MAPK9: variants seen among roughly 807,000 people sequenced by gnomAD.
MAPK9 encodes the protein Jun kinase.
A neutral mutation model predicts 57.1 loss-of-function variants in MAPK9; 30 were observed. That is an observed-to-expected ratio of 0.53 (90% CI 0.39 to 0.71). The LOEUF (loss-of-function observed/expected upper bound fraction) is 0.71. Ranked by LOEUF, MAPK9 falls within the 30% of genes least tolerant of loss-of-function variation. The pLI is 0.00. For synonymous variants in MAPK9, 155 were observed against 177.0 expected (o/e 0.88, Z 0.99); for missense variants, 362 against 521.0 (o/e 0.69, Z 2.97).
Position 180,261,784 on chromosome 5 carries a change from T to C in MAPK9, c.350A>G (p.Gln117Arg). The C allele has an allele frequency of 6.2e-7, 1 of 1,613,012 alleles. No individual in the cohort carries two copies. The highest frequency in any genetic ancestry group is 1.3e-5 in the African/African-American group (1 of 75,042). ...ATGATCCAGCTCCATGTGAATAACC[T>C]GACATAAGTTAGCATCCATTAATTC... ...VMELMDANLC[Q>R]VIHMELDHER... Residue 117 changes from glutamine to arginine, a missense_variant, in exon 5 of 12, where the codon CAG becomes CGG. Physicochemically the swap from Gln to Arg is conservative, Grantham distance 43 (BLOSUM62 1). Around this residue, in one of 3 missense-constraint regions of MAPK9, gnomAD observed 127 missense variants for 231.7 expected, o/e 0.55. Transcript: ENST00000452135.
intron 1 of MAPK9, among the ~76,000 whole-genome samples, chr5:180,291,024 G>A (rs983942770): frequency 2.6e-5 from 4 of 152,292 alleles, no homozygotes; most frequent in African/African-American, 7.2e-5. Flanking sequence ...GAGGGTGGTC[G>A]AGGAGGGCCT....
chr5:180,235,355 G>A lies in MAPK9; in HGVS notation c.*1029C>T, dbSNP rs770158961. On this transcript the variant is annotated 3_prime_UTR_variant, in exon 12 of 12. Coordinates refer to ENST00000452135, the MANE Select transcript of MAPK9 (RefSeq NM_002752.5). Reference sequence around the variant, plus strand: ...AAAGAAAATCAAGAACGTGGTATTGGCCGAGGGAAAGTGAATGAGGGAAGG... The same window carrying A: ...AAAGAAAATCAAGAACGTGGTATTGACCGAGGGAAAGTGAATGAGGGAAGG... The A allele has an allele frequency of 2.0e-5, 3 of 152,182 alleles. No homozygotes were observed. Among genetic ancestry groups the A allele is most frequent in the Non-Finnish European group, 4.4e-5 (3 of 68,048 alleles). 9.4% of individuals were successfully genotyped at this position (152,182 alleles called of 1,614,324 possible). A position where few individuals can be genotyped will look rare whatever the true frequency, so the allele number is the denominator to read the frequency against.
At chr5:180,266,776 A>G (rs998619797) in intron 3 of MAPK9, among the ~76,000 whole-genome samples, 18 of 152,100 alleles carry the variant, frequency 1.2e-4, no homozygotes, top group Non-Finnish European at 2.9e-5. Flanking sequence ...GAAAATATCA[A>G]ACTAATAGTC....
At chr5:180,238,605 CTTCTTTT>C (rs1757388928) in intron 10 of MAPK9, among the ~76,000 whole-genome samples, 1 of 129,624 alleles carries the variant, frequency 7.7e-6, no homozygotes, top group Non-Finnish European at 1.6e-5. Flanking sequence ...TTTTCTTCTT[CTTCTTTT>C]TTTTTTTTTT....
intron 7 of MAPK9, 136 bp from the exon 8 acceptor site, chr5:180,242,891 T>G: frequency 1.6e-6 from 1 of 606,760 alleles, no homozygotes. Context: ...GAAATAATAT[T>G]CAAATAAGGT....
At chr5:180,267,419 G>A (rs753088949) in intron 3 of MAPK9, among the ~76,000 whole-genome samples, 181 of 150,782 alleles carry the variant, frequency 1.2e-3, no homozygotes, top group Non-Finnish European at 2.0e-3. Context: ...AAAATTAGCT[G>A]GGTGTGGTGG....
chr5:180,268,495 T>C (rs1370240719), intron 3 of MAPK9, among the ~76,000 whole-genome samples: 3 of 152,244 alleles, frequency 2.0e-5, no homozygotes. Flanking sequence ...TGCACCATAA[T>C]GATGCCTCTT....
At chr5:180,243,248 G>A (rs920974669) in intron 7 of MAPK9, among the ~76,000 whole-genome samples, 3 of 152,092 alleles carry the variant, frequency 2.0e-5, no homozygotes, top group African/African-American at 7.2e-5. Flanking sequence ...TGAGCCCAGC[G>A]ACAGCTTTCA....
intron 1 of MAPK9, among the ~76,000 whole-genome samples, chr5:180,280,820 G>A (rs1417106556): frequency 1.3e-5 from 2 of 152,150 alleles, no homozygotes; most frequent in Admixed American, 6.5e-5. Context: ...TTGAGGCCCA[G>A]CAAGACCACA....
At chr5:180,255,208 T>C (rs201352075) in intron 5 of MAPK9, among the ~76,000 whole-genome samples, 1 of 152,084 alleles carries the variant, frequency 6.6e-6, no homozygotes, top group East Asian at 1.9e-4. Flanking sequence ...TTTCAGACAT[T>C]TGAGGCCTCA....
At chr5:180,263,441 T>A (rs983752155) in intron 4 of MAPK9, among the ~76,000 whole-genome samples, 2 of 151,846 alleles carry the variant, frequency 1.3e-5, no homozygotes, top group Admixed American at 6.6e-5. Flanking sequence ...GATGCCAGAG[T>A]TACGCTTTTC....
intron 10 of MAPK9, among the ~76,000 whole-genome samples, chr5:180,239,414 T>G (rs556706825): frequency 6.6e-6 from 1 of 152,370 alleles, no homozygotes; most frequent in Non-Finnish European, 1.5e-5. Context: ...TCATCAGTGT[T>G]GACTGACTCT....
chr5:180,242,468 A>G, intron 8 of MAPK9, 105 bp downstream of exon 8: 1 of 1,091,846 alleles, frequency 9.2e-7, no homozygotes, highest in East Asian at 2.5e-5. Context: ...CAGGCCTAAA[A>G]TGACTTTCTC....
chr5:180,251,772 A>G (rs943443429), intron 5 of MAPK9, among the ~76,000 whole-genome samples: 3 of 118,062 alleles, frequency 2.5e-5, no homozygotes, highest in Admixed American at 7.9e-5. Flanking sequence ...AAATGCCTGG[A>G]ACCCAACGCT....
intron 3 of MAPK9, among the ~76,000 whole-genome samples, chr5:180,267,885 C>T (rs759730871): frequency 8.4e-4 from 127 of 151,940 alleles, no homozygotes; most frequent in Middle Eastern, 3.4e-3. Context: ...TATTTTGAGA[C>T]GGAGTCTCGC....
Position 180,247,682 on chromosome 5 carries a change from T to C in MAPK9, c.617-172A>G. 1.1e-6 allele frequency: 1 copy of C among 943,424 alleles called. No homozygotes were observed. The highest frequency in any genetic ancestry group is 1.7e-6 in the Non-Finnish European group (1 of 597,518). 58.4% of individuals were successfully genotyped at this position (943,424 alleles called of 1,614,324 possible). ...GCTGACCTCTATTTTAGCCTTCGGT[T>C]TGTAGCAATCTGGGGTTTTAGTGCC... is the stretch of plus-strand genomic sequence containing the variant. On this transcript the variant is annotated intron_variant, in intron 6 of 11. Coordinates refer to ENST00000452135, the MANE Select transcript of MAPK9 (RefSeq NM_002752.5). This position sits in a 1 kb window ranked among gnomAD's most constrained non-coding sequence, Gnocchi z 4.5.
At chr5:180,251,125 G>A (rs981058733) in intron 5 of MAPK9, among the ~76,000 whole-genome samples, 2 of 152,274 alleles carry the variant, frequency 1.3e-5, no homozygotes, top group Non-Finnish European at 1.5e-5. Flanking sequence ...TGGAAAGCAA[G>A]CAGACTCGGT....
Position 180,236,489 on chromosome 5 carries a change from A to G in MAPK9, c.1170T>C (p.Ser390=), listed in dbSNP as rs754707056. 3 of 1,614,068 alleles carry G rather than the reference A, an allele frequency of 1.9e-6. No individual in the cohort carries two copies. Among genetic ancestry groups the G allele is most frequent in the Non-Finnish European group, 2.5e-6 (3 of 1,179,940 alleles). Residue 390 remains serine (S), a synonymous_variant, in exon 12 of 12, where the codon TCT becomes TCC. Transcript: ENST00000452135. The part of the protein sequence containing the change: ...AVSSNATPSQ[S]SSINDISSMS... ...TGGATGAAATGTCATTGATCGATGA[A>G]GACTGAGAAGGAGTGGCGTTGCTAC...
chr5:180,272,581 C>T (rs1296867381), intron 2 of MAPK9, among the ~76,000 whole-genome samples: 1 of 152,204 alleles, frequency 6.6e-6, no homozygotes, highest in African/African-American at 2.4e-5. Context: ...CTAAAGCATG[C>T]ACCCTGGAGC....
Sources: allele counts gnomAD v4.1 joint callset (sites outside exome capture counted in the v4.1 genomes callset), GRCh38; gene constraint gnomAD v4.1.1; regional missense constraint gnomAD v4.1.1; non-coding constraint Gnocchi (gnomAD v3.1); transcripts MANE v1.5; gene names NCBI Gene and HGNC (gene_info 2026-07-23, HGNC 2026-07-21).